CCDC192: variants seen among roughly 807,000 people sequenced by gnomAD.
The protein encoded by CCDC192 is coiled-coil domain-containing protein 192.
At chr5:127,926,940 T>G (rs1753878660) in intron 6 of CCDC192, among the ~76,000 whole-genome samples, 1 of 152,100 alleles carries the variant, frequency 6.6e-6, no homozygotes, top group Non-Finnish European at 1.5e-5. Context: ...AGTGTCCTGT[T>G]ACCAAAATGA....
chr5:127,749,222 C>G (rs1479546780), intron 2 of CCDC192, among the ~76,000 whole-genome samples: 1 of 151,912 alleles, frequency 6.6e-6, no homozygotes, highest in Non-Finnish European at 1.5e-5. Flanking sequence ...CAGTTTTTGC[C>G]CATTCAGTAG....
chr5:127,756,852 A>G (rs1754628985), intron 3 of CCDC192, among the ~76,000 whole-genome samples: 1 of 152,244 alleles, frequency 6.6e-6, no homozygotes, highest in Non-Finnish European at 1.5e-5. Flanking sequence ...GGTTAGAAGC[A>G]AGATAGAGTT....
intron 6 of CCDC192, among the ~76,000 whole-genome samples, chr5:127,924,171 C>T (rs1753806416): frequency 6.6e-6 from 1 of 152,208 alleles, no homozygotes; most frequent in Non-Finnish European, 1.5e-5. Context: ...GAAACAAGTA[C>T]TTTCACCATT....
At chr5:127,898,554 T>C (rs1752957449) in intron 6 of CCDC192, among the ~76,000 whole-genome samples, 1 of 152,130 alleles carries the variant, frequency 6.6e-6, no homozygotes, top group Admixed American at 6.6e-5. Context: ...GCAGTGGTCC[T>C]GTTTTGCAGG....
intron 4 of CCDC192, among the ~76,000 whole-genome samples, chr5:127,797,776 T>TC (rs1757260591): frequency 8.1e-6 from 1 of 122,770 alleles, no homozygotes; most frequent in Non-Finnish European, 1.8e-5. Flanking sequence ...TATATATATA[T>TC]ATTTATTTAT....
chr5:127,765,101 T>A (rs1457268202), intron 3 of CCDC192, among the ~76,000 whole-genome samples: 1 of 152,194 alleles, frequency 6.6e-6, no homozygotes, highest in Non-Finnish European at 1.5e-5. Flanking sequence ...GCAGGTCCCT[T>A]GGAGGTTCCT....
chr5:127,792,603 A>C (rs968856694), intron 3 of CCDC192, among the ~76,000 whole-genome samples: 1 of 151,488 alleles, frequency 6.6e-6, no homozygotes, highest in Non-Finnish European at 1.5e-5. Flanking sequence ...CTACCCAGGA[A>C]GGTGAGATGG....
Position 127,753,688 on chromosome 5 carries a change from G to GA in CCDC192, c.115-562dup, listed in dbSNP as rs71575707. Among the ~76,000 whole-genome samples, 891 of 124,330 alleles carry GA rather than the reference G, an allele frequency of 7.2e-3. 4 individuals are homozygous for GA. Among genetic ancestry groups the GA allele is most frequent in the African/African-American group, 0.019 (629 of 32,344 alleles). 81.6% of individuals were successfully genotyped at this position (124,330 alleles called of 152,430 possible). A position where few individuals can be genotyped will look rare whatever the true frequency, so the allele number is the denominator to read the frequency against. ...GGCAACAAGAGCAAAACTCTGCCTG[G>GA]AAAAAAAAAAAAAAAAAAGAGAAAA... On this transcript the variant is annotated intron_variant, in intron 2 of 6. Coordinates refer to ENST00000514853, the MANE Select transcript of CCDC192 (RefSeq NM_001317938.2).
At chr5:127,782,828 GT>G (rs1756312800) in intron 3 of CCDC192, among the ~76,000 whole-genome samples, 1 of 151,694 alleles carries the variant, frequency 6.6e-6, no homozygotes, top group Admixed American at 6.6e-5. Context: ...TCTGATCTTT[GT>G]TATTTCCTTT....
Position 127,728,371 on chromosome 5 carries a change from A to G in CCDC192, c.114+20611A>G, listed in dbSNP as rs532969163. Among the ~76,000 whole-genome samples, 8 of 152,338 alleles carry G rather than the reference A, an allele frequency of 5.3e-5. No homozygotes were observed. In the East Asian group the frequency reaches 1.5e-3, roughly 29 times the overall value. On this transcript the variant is annotated intron_variant, in intron 2 of 6. Coordinates refer to ENST00000514853, the MANE Select transcript of CCDC192 (RefSeq NM_001317938.2). ...CTCAGTGAAAACCTTACAAGCCAGA[A>G]AAGATTGGGGGGACAATATTCAACA...
intron 2 of CCDC192, among the ~76,000 whole-genome samples, chr5:127,729,190 A>G (rs1163666104): frequency 6.6e-6 from 1 of 152,226 alleles, no homozygotes; most frequent in Non-Finnish European, 1.5e-5. Context: ...TACAGGCATG[A>G]GCCACTGAAA....
At chr5:127,897,923 A>G (rs763610969) in intron 6 of CCDC192, among the ~76,000 whole-genome samples, 13 of 152,208 alleles carry the variant, frequency 8.5e-5, no homozygotes, top group Non-Finnish European at 1.3e-4. Context: ...TCTCCCTGGT[A>G]TCAAATGAGA....
chr5:127,751,847 C>T (rs534810087), intron 2 of CCDC192, among the ~76,000 whole-genome samples: 52 of 152,302 alleles, frequency 3.4e-4, no homozygotes, highest in African/African-American at 1.2e-3. Flanking sequence ...CTTTCCTTCT[C>T]GCTTCATTTC....
At chr5:127,875,374 A>G (rs1035136960) in intron 5 of CCDC192, among the ~76,000 whole-genome samples, 164 bp from the exon 6 acceptor site, 1 of 152,206 alleles carries the variant, frequency 6.6e-6, no homozygotes. Flanking sequence ...AGGAGCACAT[A>G]CACTGTTTCA....
At chr5:127,709,384 G>T (rs2126776194) in intron 2 of CCDC192, among the ~76,000 whole-genome samples, 1 of 152,238 alleles carries the variant, frequency 6.6e-6, no homozygotes, top group South Asian at 2.1e-4. Flanking sequence ...CTTCCACCAG[G>T]CGTCCTCCTG....
chr5:127,859,113 G>A (rs1469784423), intron 5 of CCDC192, among the ~76,000 whole-genome samples: 1 of 152,178 alleles, frequency 6.6e-6, no homozygotes, highest in African/African-American at 2.4e-5. Context: ...TTACTGTGAA[G>A]AAAGATCTAT....
chr5:127,726,788 T>C (rs895348233), intron 2 of CCDC192, among the ~76,000 whole-genome samples: 9 of 152,162 alleles, frequency 5.9e-5, no homozygotes, highest in African/African-American at 2.2e-4. Context: ...AACCCTGGGG[T>C]AAGGGGATCT....
chr5:127,780,172 CAT>C (rs150332725), intron 3 of CCDC192, among the ~76,000 whole-genome samples: 28 of 150,926 alleles, frequency 1.9e-4, no homozygotes, highest in Non-Finnish European at 2.2e-4. Flanking sequence ...TACGCACACA[CAT>C]ATATATATAT....
chr5:127,731,079 C>G (rs1017107850), intron 2 of CCDC192, among the ~76,000 whole-genome samples: 13 of 152,174 alleles, frequency 8.5e-5, no homozygotes, highest in African/African-American at 1.2e-4. Context: ...CAAACTGTCT[C>G]TATTTGAAGA....
Sources: gnomAD v4.1 joint callset for allele counts (sites outside exome capture counted in the v4.1 genomes callset) on GRCh38, gnomAD v4.1.1 for gene constraint, MANE v1.5 for transcripts, NCBI Gene and HGNC (gene_info 2026-07-23, HGNC 2026-07-21) for gene names.